Variants in ADAMTSL1 observed in about 807,000 individuals in gnomAD.
ADAMTSL1 encodes the protein ADAMTS like 1, also known as ADAMTS-like protein 1.
A neutral mutation model predicts 201.8 loss-of-function variants in ADAMTSL1; 126 were observed. The observed-to-expected ratio is 0.62, with a 90% CI of 0.54 to 0.72. The LOEUF is 0.72. ADAMTSL1 is among the 30% of genes least tolerant of loss of function. The pLI, the probability that ADAMTSL1 is intolerant of heterozygous loss-of-function variation, is 0.00. For missense variants in ADAMTSL1, 2,679 were observed against 2,277.8 expected (o/e 1.18, Z -3.59); for synonymous variants, 1,121 against 903.4 (o/e 1.24, Z -4.32).
intron 1 of ADAMTSL1, among the ~76,000 whole-genome samples, chr9:17,921,342 C>T (rs899659456): frequency 2.6e-5 from 4 of 152,142 alleles, no homozygotes; most frequent in South Asian, 2.1e-4. Flanking sequence ...CTTGTTTTAT[C>T]TCTCTGCCCG....
At chr9:18,079,714 TA>T (rs987973712) in intron 1 of ADAMTSL1, among the ~76,000 whole-genome samples, 378 of 149,564 alleles carry the variant, frequency 2.5e-3, no homozygotes, top group African/African-American at 8.5e-3. Flanking sequence ...AATAAATAAA[TA>T]AATAAATAAA....
At chr9:18,143,601 T>C (rs969028637) in intron 1 of ADAMTSL1, among the ~76,000 whole-genome samples, 3 of 152,144 alleles carry the variant, frequency 2.0e-5, no homozygotes, top group Admixed American at 6.5e-5. Context: ...GGCGTGTGCA[T>C]GCTTTATAGA....
intron 2 of ADAMTSL1, among the ~76,000 whole-genome samples, chr9:18,252,745 C>G (rs959897274): frequency 6.6e-6 from 1 of 152,098 alleles, no homozygotes; most frequent in Admixed American, 6.5e-5. Flanking sequence ...GTAAAATTAT[C>G]TATTCCTGGT....
At chr9:18,344,495 A>T (rs981397011) in intron 2 of ADAMTSL1, among the ~76,000 whole-genome samples, 6 of 152,072 alleles carry the variant, frequency 3.9e-5, no homozygotes, top group African/African-American at 1.4e-4. Flanking sequence ...CCATATCTAT[A>T]TGTATCTTTT....
chr9:18,555,381 A>T (rs752358079), intron 3 of ADAMTSL1, among the ~76,000 whole-genome samples: 1 of 151,890 alleles, frequency 6.6e-6, no homozygotes, highest in Non-Finnish European at 1.5e-5. Flanking sequence ...TGTATTAACA[A>T]TTTTTTAAAT....
intron 4 of ADAMTSL1, among the ~76,000 whole-genome samples, chr9:18,577,734 T>C (rs60618701): frequency 0.11 from 16,644 of 152,190 alleles, 1,010 homozygotes; most frequent in Middle Eastern, 0.16. Flanking sequence ...TGGTTCCCTG[T>C]ATAAGATTTT....
intron 1 of ADAMTSL1, among the ~76,000 whole-genome samples, chr9:18,095,416 CTTTTTTTTTTTTT>C (rs35164794): frequency 3.0e-5 from 3 of 100,128 alleles, no homozygotes; most frequent in African/African-American, 6.8e-5. Flanking sequence ...TTCTTTCTTT[CTTTTTTTTTTTTT>C]TTTTTTTTTT....
chr9:18,483,659 C>T (rs1821841317), intron 1 of ADAMTSL1, among the ~76,000 whole-genome samples: 1 of 152,118 alleles, frequency 6.6e-6, no homozygotes, highest in Non-Finnish European at 1.5e-5. Context: ...AACCCTATCT[C>T]TACTAAAAAT....
intron 1 of ADAMTSL1, among the ~76,000 whole-genome samples, chr9:17,948,935 G>A (rs556034674): frequency 1.8e-3 from 278 of 152,250 alleles, no homozygotes; most frequent in Middle Eastern, 3.4e-3. Context: ...CCTTTACATG[G>A]GAAGAAACTG....
intron 1 of ADAMTSL1, among the ~76,000 whole-genome samples, chr9:18,493,772 A>G (rs964102390): frequency 2.0e-5 from 3 of 152,198 alleles, no homozygotes; most frequent in African/African-American, 7.2e-5. Flanking sequence ...GATAATCTGA[A>G]TGTATATGGA....
At chr9:18,560,370 G>A (rs148999762) in intron 3 of ADAMTSL1, among the ~76,000 whole-genome samples, 3 of 152,112 alleles carry the variant, frequency 2.0e-5, no homozygotes, top group African/African-American at 7.2e-5. Context: ...ACTTGTTCGT[G>A]GTGGATAAGC....
intron 2 of ADAMTSL1, among the ~76,000 whole-genome samples, chr9:18,218,502 C>G (rs4961628): frequency 0.87 from 132,849 of 152,200 alleles, 58,392 homozygotes; most frequent in East Asian, 1. Context: ...AAAAAGTAAA[C>G]TGATAAAGTC....
At chr9:18,729,670 G>A (rs1818100043) in intron 15 of ADAMTSL1, among the ~76,000 whole-genome samples, 1 of 152,182 alleles carries the variant, frequency 6.6e-6, no homozygotes, top group East Asian at 1.9e-4. Context: ...ATTGTGCCAA[G>A]CATTGTGTGG....
chr9:17,925,290 A>C (rs1409518472), intron 1 of ADAMTSL1, among the ~76,000 whole-genome samples: 1 of 122,178 alleles, frequency 8.2e-6, no homozygotes, highest in East Asian at 3.3e-4. Flanking sequence ...TGTGGAAGTC[A>C]GTGTGGCGAT....
chr9:18,364,074 A>G (rs571479589), intron 2 of ADAMTSL1, among the ~76,000 whole-genome samples: 1 of 152,320 alleles, frequency 6.6e-6, no homozygotes, highest in East Asian at 1.9e-4. Flanking sequence ...AAATGAAGAG[A>G]AAGAGTGAAT....
At chr9:18,496,017 A>C (rs1275393430) in intron 1 of ADAMTSL1, among the ~76,000 whole-genome samples, 1 of 152,254 alleles carries the variant, frequency 6.6e-6, no homozygotes, top group Non-Finnish European at 1.5e-5. Flanking sequence ...TCAAAATGAC[A>C]TTCTTAATAA....
At chr9:18,297,369 CTT>C (rs1000297410) in intron 2 of ADAMTSL1, among the ~76,000 whole-genome samples, 2 of 143,796 alleles carry the variant, frequency 1.4e-5, no homozygotes, top group Non-Finnish European at 3.1e-5. Context: ...TTTTCTTTTT[CTT>C]TTTTTTTTTT....
intron 1 of ADAMTSL1, among the ~76,000 whole-genome samples, chr9:17,955,664 T>A (rs1269805001): frequency 1.3e-5 from 2 of 152,232 alleles, no homozygotes; most frequent in African/African-American, 4.8e-5. Context: ...ATCCACACTG[T>A]AGATGTTATC....
chr9:18,125,579 T>C (rs1013050856), intron 1 of ADAMTSL1, among the ~76,000 whole-genome samples: 2 of 152,220 alleles, frequency 1.3e-5, no homozygotes, highest in African/African-American at 4.8e-5. Context: ...AGATCTGTGA[T>C]CCATTTTGAG....
Sources: gnomAD v4.1 joint callset for allele counts (sites outside exome capture counted in the v4.1 genomes callset) on GRCh38, gnomAD v4.1.1 for gene constraint, MANE v1.5 for transcripts, NCBI Gene and HGNC (gene_info 2026-07-23, HGNC 2026-07-21) for gene names.